The following FRMPD4 variants were observed in gnomAD, a reference collection of about 807,000 sequenced individuals.
FRMPD4 encodes FERM and PDZ domain containing 4, also known as FERM and PDZ domain-containing protein 4.
FRMPD4 carries 22 observed loss-of-function variants against 94.1 expected under a neutral mutation model. The ratio of observed to expected loss-of-function variants is 0.23; its 90% CI spans 0.17 to 0.33. The LOEUF (loss-of-function observed/expected upper bound fraction) is 0.33, where lower values mean the gene tolerates loss of function less well. Among genes scored for constraint, FRMPD4 ranks in the 10% least tolerant of loss-of-function variants. FRMPD4 has a pLI of 1.00. For synonymous variants in FRMPD4, 631 were observed against 548.6 expected, an observed-to-expected ratio of 1.15 and a Z score of -2.10; for missense variants, 1,111 against 1,339.9, an observed-to-expected ratio of 0.83 and a Z score of 2.67.
At chrX:12,599,746 T>C (rs190145265) in intron 2 of FRMPD4, among the ~76,000 whole-genome samples, 2 of 111,915 alleles carry the variant, frequency 1.8e-5, no homozygotes, top group Admixed American at 1.9e-4. Context: ...CACCAGAAGT[T>C]AGGAACCCTC....
chrX:11,887,619 G>A (rs2053853044), intron 3 of FRMPD4, among the ~76,000 whole-genome samples: 2 of 111,740 alleles, frequency 1.8e-5, no homozygotes, highest in Admixed American at 1.9e-4. Context: ...TTTCATCTGT[G>A]ACACTGGCTC....
intron 1 of FRMPD4, among the ~76,000 whole-genome samples, chrX:12,278,115 G>A (rs4073740): frequency 0.35 from 39,312 of 111,381 alleles, 5,473 homozygotes; most frequent in Admixed American, 0.51. Context: ...CAAGTCCACG[G>A]CTATTCTTTT....
chrX:12,277,165 CAT>C (rs1471264448), intron 1 of FRMPD4, among the ~76,000 whole-genome samples: 7 of 105,197 alleles, frequency 6.7e-5, no homozygotes, highest in East Asian at 5.9e-4. Flanking sequence ...ATTTTAATAA[CAT>C]ATTTTTTATT....
At chrX:12,458,218 C>T (rs954017173) in intron 1 of FRMPD4, among the ~76,000 whole-genome samples, 10 of 111,824 alleles carry the variant, frequency 8.9e-5, no homozygotes, top group Non-Finnish European at 1.9e-4. Context: ...CTCAGTGTGA[C>T]TTTTCATGAG....
chrX:12,266,119 C>T (rs1180534148), intron 1 of FRMPD4, among the ~76,000 whole-genome samples: 4 of 72,863 alleles, frequency 5.5e-5, no homozygotes, highest in Non-Finnish European at 7.0e-5. Flanking sequence ...GGCGACACAG[C>T]GAGACTCCGT....
chrX:12,485,879 A>C (rs1244774003), intron 1 of FRMPD4, among the ~76,000 whole-genome samples: 1 of 108,979 alleles, frequency 9.2e-6, no homozygotes, highest in East Asian at 2.8e-4. Flanking sequence ...ATTGCACTCC[A>C]ACCTGGGTAA....
In FRMPD4 at chrX:12,378,566, C is replaced by A. The variant is rs143025195; in HGVS notation, c.42-120114C>A. 1.9e-3 allele frequency among the ~76,000 whole-genome samples: 217 copies of A among 112,221 alleles called. 1 individual carries two copies. Among genetic ancestry groups the A allele is most frequent in the African/African-American group, 6.5e-3 (201 of 30,856 alleles). On this transcript the variant is annotated intron_variant, in intron 1 of 16. Transcript: ENST00000675598. ...TCCTGCTGGATATATTAGGAAGGACCCTTGACAGAATCCAGTAATTCAAAG... is the reference window on the plus strand; with the variant it reads ...TCCTGCTGGATATATTAGGAAGGACACTTGACAGAATCCAGTAATTCAAAG...
At chrX:12,463,688 TTTTGTTTTTG>T (rs2057417666) in intron 1 of FRMPD4, among the ~76,000 whole-genome samples, 2 of 91,610 alleles carry the variant, frequency 2.2e-5, no homozygotes, top group South Asian at 1.1e-3. Context: ...TGTGTTTTTT[TTTTGTTTTTG>T]TTTTTTTTTT....
At chrX:12,099,816 T>C (rs1569158336) in intron 3 of FRMPD4, among the ~76,000 whole-genome samples, 1 of 112,597 alleles carries the variant, frequency 8.9e-6, no homozygotes, top group Non-Finnish European at 1.9e-5. Flanking sequence ...AAACAGATGG[T>C]TCAAATCCCA....
chrX:11,952,936 G>A (rs5978480), intron 3 of FRMPD4, among the ~76,000 whole-genome samples: 6,483 of 111,769 alleles, frequency 0.058, 210 homozygotes, highest in East Asian at 0.18. Flanking sequence ...CTGTGTTTTA[G>A]TAAGTCCTCC....
chrX:12,098,922 G>T (rs1173412785), intron 3 of FRMPD4, among the ~76,000 whole-genome samples: 2 of 108,757 alleles, frequency 1.8e-5, no homozygotes, highest in Non-Finnish European at 3.8e-5. Flanking sequence ...CCTCACTTGG[G>T]GTTTTGCATC....
upstream of FRMPD4, among the ~76,000 whole-genome samples, chrX:12,137,473 G>T (rs979699004): frequency 8.9e-6 from 1 of 112,041 alleles, no homozygotes; most frequent in Non-Finnish European, 1.9e-5. Flanking sequence ...CATTTCTGGG[G>T]GTGCTCTCTG....
chrX:12,360,783 T>C (rs1250332080), intron 1 of FRMPD4, among the ~76,000 whole-genome samples: 2 of 111,705 alleles, frequency 1.8e-5, no homozygotes, highest in African/African-American at 6.5e-5. Context: ...GGAAACTATT[T>C]CAAGAAATGA....
chrX:12,415,585 C>T (rs909165712), intron 1 of FRMPD4, among the ~76,000 whole-genome samples: 4 of 111,840 alleles, frequency 3.6e-5, no homozygotes, highest in Admixed American at 1.9e-4. Context: ...ATTCACAAGG[C>T]TCTCACCAAT....
At chrX:12,418,756 C>T (rs1193574613) in intron 1 of FRMPD4, among the ~76,000 whole-genome samples, 1 of 111,763 alleles carries the variant, frequency 8.9e-6, no homozygotes, top group Non-Finnish European at 1.9e-5. Context: ...AGAACCCAGA[C>T]ATAATCATGT....
At chrX:12,569,169 T>C (rs1420704360) in intron 2 of FRMPD4, among the ~76,000 whole-genome samples, 1 of 111,589 alleles carries the variant, frequency 9.0e-6, no homozygotes, top group Admixed American at 9.6e-5. Context: ...TCTAGAACCA[T>C]GAGTCAAATA....
chrX:12,242,377 A>G (rs1025508220), intron 1 of FRMPD4, among the ~76,000 whole-genome samples: 1 of 111,859 alleles, frequency 8.9e-6, no homozygotes, highest in African/African-American at 3.3e-5. Flanking sequence ...GTGAGTTTAC[A>G]TGCAAGGAGT....
At chrX:12,371,267 T>C (rs1253066400) in intron 1 of FRMPD4, among the ~76,000 whole-genome samples, 1 of 112,803 alleles carries the variant, frequency 8.9e-6, no homozygotes, top group African/African-American at 3.2e-5. Context: ...AGGAATTGGC[T>C]ACCCATATGG....
chrX:12,183,591 C>T (rs1242761640), intron 1 of FRMPD4, among the ~76,000 whole-genome samples: 1 of 111,409 alleles, frequency 9.0e-6, no homozygotes, highest in African/African-American at 3.3e-5. Flanking sequence ...ATAATTACAC[C>T]AAAGAATTTC....
Sources: gnomAD v4.1 joint callset for allele counts (sites outside exome capture counted in the v4.1 genomes callset) on GRCh38, gnomAD v4.1.1 for gene constraint, MANE v1.5 for transcripts, NCBI Gene and HGNC (gene_info 2026-07-23, HGNC 2026-07-21) for gene names.